The following AFTPH variants were observed in gnomAD, a reference collection of about 807,000 sequenced individuals.
The protein encoded by AFTPH is aftiphilin, also known as aftiphilin protein.
Under a neutral mutation model 72.5 loss-of-function variants are expected in AFTPH, and 7 were observed. That is an observed-to-expected ratio of 0.10 (90% CI 0.05 to 0.18). AFTPH has a LOEUF of 0.18. AFTPH is among the 10% of genes least tolerant of loss of function. AFTPH has a pLI of 1.00. For missense variants in AFTPH, 979 were observed against 1,060.5 expected, an observed-to-expected ratio of 0.92 and a Z score of 1.07; for synonymous variants, 337 against 370.1, an observed-to-expected ratio of 0.91 and a Z score of 1.03.
exon 2 of AFTPH, chr2:64,553,008 C>A (rs1671144345): frequency 6.2e-7 from 1 of 1,614,056 alleles, no homozygotes; most frequent in Admixed American, 1.7e-5. Flanking sequence ...AGAAGAATGT[C>A]AATTGGCAAG....
chr2:64,554,626 C>T (rs551871476), intron 2 of AFTPH, among the ~76,000 whole-genome samples: 74 of 152,264 alleles, frequency 4.9e-4, no homozygotes, highest in African/African-American at 1.7e-3. Flanking sequence ...CATAGCTAAT[C>T]GCTTTTTAGT....
At chr2:64,563,155 G>A (rs1207346814) in intron 2 of AFTPH, among the ~76,000 whole-genome samples, 1 of 152,170 alleles carries the variant, frequency 6.6e-6, no homozygotes, top group Non-Finnish European at 1.5e-5. Flanking sequence ...TATAAGCAAA[G>A]TTCCTTTGTA....
At chr2:64,531,498 A>C (rs1020163983) in intron 1 of AFTPH, among the ~76,000 whole-genome samples, 3 of 152,190 alleles carry the variant, frequency 2.0e-5, no homozygotes. Context: ...ATATGCCTTT[A>C]TTTGATATAA....
chr2:64,569,694 C>A lies in AFTPH; in HGVS notation c.2271+15C>A, dbSNP rs762492809. ...CAGCAGGATTGGTAAGTACAAAAAT[C>A]TCTCTGCATGTATTTATCATTACTG... On this transcript the variant is annotated intron_variant, in intron 5 of 8. Transcript: ENST00000238856. The A allele has an allele frequency of 1.4e-5, 22 of 1,611,016 alleles. No homozygotes were observed. The African/African-American group carries it at 2.3e-4, about 17-fold the overall frequency.
intron 1 of AFTPH, among the ~76,000 whole-genome samples, chr2:64,531,061 CAAAA>C (rs370897333): frequency 2.8e-5 from 2 of 71,500 alleles, no homozygotes; most frequent in Non-Finnish European, 5.9e-5. Context: ...GACTTCATCT[CAAAA>C]AAAAAAAAAA....
chr2:64,549,263 A>G (rs1008216710), intron 1 of AFTPH, among the ~76,000 whole-genome samples: 1 of 89,268 alleles, frequency 1.1e-5, no homozygotes, highest in African/African-American at 3.6e-5. Flanking sequence ...TCTGTTTATT[A>G]TTTATGTGCT....
intron 2 of AFTPH, among the ~76,000 whole-genome samples, chr2:64,565,790 A>T (rs1672049205): frequency 1.3e-5 from 2 of 152,254 alleles, no homozygotes; most frequent in South Asian, 4.1e-4. Context: ...AAGCAATCTA[A>T]TGTAATATCT....
At chr2:64,554,308 A>G (rs1327378559) in intron 2 of AFTPH, among the ~76,000 whole-genome samples, 2 of 151,976 alleles carry the variant, frequency 1.3e-5, no homozygotes, top group East Asian at 3.9e-4. Context: ...CCAGAGTTCT[A>G]CTCTGTGCTA....
intron 7 of AFTPH, chr2:64,580,880 C>T (rs149371778): frequency 7.6e-4 from 137 of 179,634 alleles, no homozygotes; most frequent in African/African-American, 1.1e-3. Context: ...GCATTCCTTT[C>T]GGTCTTTCTG....
At chr2:64,550,258 G>A (rs988002730) in intron 1 of AFTPH, among the ~76,000 whole-genome samples, 3 of 152,148 alleles carry the variant, frequency 2.0e-5, no homozygotes, top group Non-Finnish European at 4.4e-5. Flanking sequence ...GTCAGACCCA[G>A]GAGTGGTGAT....
At chr2:64,553,641 G>T (rs73934542) in intron 2 of AFTPH, among the ~76,000 whole-genome samples, 1 of 148,020 alleles carries the variant, frequency 6.8e-6, no homozygotes. Context: ...AATGAGTTTC[G>T]TTAATATTTA....
intron 2 of AFTPH, among the ~76,000 whole-genome samples, chr2:64,560,582 A>G (rs1358421506): frequency 6.6e-6 from 1 of 152,066 alleles, no homozygotes; most frequent in Admixed American, 6.6e-5. Context: ...ACAGGAAGTA[A>G]TAGGGAGGGG....
intron 1 of AFTPH, among the ~76,000 whole-genome samples, chr2:64,536,288 G>C (rs542871427): frequency 6.6e-6 from 1 of 152,310 alleles, no homozygotes; most frequent in Non-Finnish European, 1.5e-5. Flanking sequence ...GGAAGCGGCT[G>C]AGCATGGTGG....
At chr2:64,557,161 A>G (rs1028311692) in intron 2 of AFTPH, among the ~76,000 whole-genome samples, 7 of 152,206 alleles carry the variant, frequency 4.6e-5, no homozygotes, top group African/African-American at 1.7e-4. Context: ...TGAAATAACC[A>G]AAATGCCTTG....
chr2:64,569,798 G>A (rs2287533), intron 5 of AFTPH, 119 bp downstream of exon 5: 304,348 of 825,908 alleles, frequency 0.37, 56,074 homozygotes, highest in South Asian at 0.42. Flanking sequence ...GAATCTGAAG[G>A]GTATAAATAG....
At chr2:64,544,447 A>T (rs1381576309) in intron 1 of AFTPH, among the ~76,000 whole-genome samples, 1 of 152,226 alleles carries the variant, frequency 6.6e-6, no homozygotes, top group African/African-American at 2.4e-5. Context: ...GCTTGTTTGT[A>T]CAGGTTATAA....
In AFTPH at chr2:64,553,419, A is replaced by G. The variant is rs770897104; in HGVS notation, c.1935+10A>G. On this transcript the variant is annotated intron_variant, in intron 2 of 8. Transcript: ENST00000238856. ...AGCCACTTCAGTTCAGGTATTTACTAATTTTCTCTATTTTGTATGATGTAT... is the reference window on the plus strand; with the variant it reads ...AGCCACTTCAGTTCAGGTATTTACTGATTTTCTCTATTTTGTATGATGTAT... 7.1e-6 allele frequency: 11 copies of G among 1,544,242 alleles called. No individual in the cohort carries two copies. The African/African-American group carries it at 1.4e-4, about 20-fold the overall frequency.
intron 1 of AFTPH, among the ~76,000 whole-genome samples, chr2:64,537,124 C>CT (rs1273396605): frequency 1.9e-5 from 2 of 108,104 alleles, no homozygotes; most frequent in Non-Finnish European, 3.3e-5. Context: ...TTTTCAGCTG[C>CT]TTTTTAAAAA....
rs189648360 is a variant in AFTPH at position 64,564,196 on chromosome 2, A to G, written c.1936-3366A>G. Among the ~76,000 whole-genome samples, 1,219 of 152,302 alleles carry G rather than the reference A, an allele frequency of 8.0e-3. 5 individuals carry two copies. The highest frequency in any genetic ancestry group is 0.011 in the Non-Finnish European group (741 of 68,014). ...ATATCATAATATGGTAGAAATTGAT[A>G]AATTGAGATAAGTATTTTCATAGTG... is the stretch of plus-strand genomic sequence containing the variant. On this transcript the variant is annotated intron_variant, in intron 2 of 8. Transcript: ENST00000238856.
Sources: allele counts gnomAD v4.1 joint callset (sites outside exome capture counted in the v4.1 genomes callset), GRCh38; gene constraint gnomAD v4.1.1; transcripts MANE v1.5; gene names NCBI Gene and HGNC (gene_info 2026-07-23, HGNC 2026-07-21).